The following SEPTIN9 variants were observed in gnomAD, a reference collection of about 807,000 sequenced individuals.
SEPTIN9 encodes the protein septin-9.
In SEPTIN9, 13 loss-of-function variants were observed where a neutral mutation model predicts 56.6. That is an observed-to-expected ratio of 0.23 (90% CI 0.15 to 0.37). The LOEUF (loss-of-function observed/expected upper bound fraction) is 0.37. Among genes scored for constraint, SEPTIN9 ranks in the 10% least tolerant of loss-of-function variants. The probability of loss-of-function intolerance (pLI) is 1.00; values close to 1 mark genes in which losing one functional copy is unlikely to be tolerated. For synonymous variants in SEPTIN9, 332 were observed against 334.1 expected (o/e 0.99, Z 0.07); for missense variants, 650 against 823.1 (o/e 0.79, Z 2.57).
At chr17:77,301,640 G>A (rs1307943513) in intron 1 of SEPTIN9, among the ~76,000 whole-genome samples, 2 of 152,050 alleles carry the variant, frequency 1.3e-5, no homozygotes, top group African/African-American at 4.8e-5. Context: ...CTCGAACTCC[G>A]GACCTCAGAT....
chr17:77,302,918 G>A (rs2032118676), intron 1 of SEPTIN9, among the ~76,000 whole-genome samples: 1 of 151,982 alleles, frequency 6.6e-6, no homozygotes, highest in Admixed American at 6.6e-5. Flanking sequence ...TGCTCTTTCT[G>A]CCTAGGCTCA....
intron 3 of SEPTIN9, among the ~76,000 whole-genome samples, chr17:77,454,992 G>A (rs2038133410): frequency 6.6e-6 from 1 of 152,082 alleles, no homozygotes; most frequent in African/African-American, 2.4e-5. Flanking sequence ...TGGCAGAGGT[G>A]ATGGCCCATC....
At chr17:77,292,246 C>T (rs570662938) in intron 1 of SEPTIN9, among the ~76,000 whole-genome samples, 65 of 152,334 alleles carry the variant, frequency 4.3e-4, no homozygotes, top group African/African-American at 1.5e-3. Flanking sequence ...CTGCAGTCCC[C>T]GTTTTGTTCC....
intron 1 of SEPTIN9, among the ~76,000 whole-genome samples, chr17:77,283,077 CG>C (rs1219165822): frequency 1.3e-5 from 2 of 151,670 alleles, no homozygotes; most frequent in African/African-American, 2.4e-5. Context: ...TCTGCACCTG[CG>C]GCTTACTGGG....
intron 10 of SEPTIN9, chr17:77,497,080 TGAGCTGTCCAGGAGCAG>T: frequency 3.3e-6 from 2 of 603,700 alleles, no homozygotes; most frequent in Non-Finnish European, 6.0e-6. Flanking sequence ...GAGCAGGAGC[TGAGCTGTCCAGGAGCAG>T]GAGCTGGTGC....
intron 2 of SEPTIN9, among the ~76,000 whole-genome samples, chr17:77,337,030 G>T: frequency 7.4e-6 from 1 of 135,938 alleles, no homozygotes; most frequent in Non-Finnish European, 1.5e-5. Context: ...AAGAAACAGA[G>T]TCTCACTCTT....
rs183048760 is a variant in SEPTIN9, at chr17:77,341,366, C to T, written c.76+34169C>T. Among the ~76,000 whole-genome samples, 676 of 152,256 alleles carry T rather than the reference C, an allele frequency of 4.4e-3. 8 individuals carry two copies. The highest frequency in any genetic ancestry group is 0.015 in the African/African-American group (633 of 41,530). On this transcript the variant is annotated intron_variant, in intron 2 of 11. Coordinates refer to ENST00000427177, the MANE Select transcript of SEPTIN9 (RefSeq NM_001113491.2). Reference sequence around the variant, plus strand: ...GATGCCTGAGCAGAGGGAGAGAGAGCGGGGAACAGCCAGTCAGTGGAGCAG... The same window carrying T: ...GATGCCTGAGCAGAGGGAGAGAGAGTGGGGAACAGCCAGTCAGTGGAGCAG...
At chr17:77,486,982 C>T (rs1236621659) in intron 4 of SEPTIN9, among the ~76,000 whole-genome samples, 1 of 152,202 alleles carries the variant, frequency 6.6e-6, no homozygotes, top group Admixed American at 6.5e-5. Flanking sequence ...GCAGTTTGAA[C>T]ACCTGGGCTT....
intron 2 of SEPTIN9, chr17:77,375,959 C>T (rs1054603354): frequency 5.0e-5 from 15 of 298,702 alleles, no homozygotes; most frequent in South Asian, 2.6e-4. Flanking sequence ...GACAGACAGA[C>T]GTGGGGAAGG....
chr17:77,414,833 CT>C (rs2036441339), intron 3 of SEPTIN9, among the ~76,000 whole-genome samples: 1 of 152,174 alleles, frequency 6.6e-6, no homozygotes, highest in South Asian at 2.1e-4. Flanking sequence ...CTGCCTTGGC[CT>C]CCCAAAGTTC....
chr17:77,340,167 G>A (rs190870980), intron 2 of SEPTIN9, among the ~76,000 whole-genome samples: 272 of 151,484 alleles, frequency 1.8e-3, no homozygotes, highest in African/African-American at 6.4e-3. Context: ...TTGAGACAGA[G>A]TCTCCCTCTG....
chr17:77,429,874 G>A lies in SEPTIN9; in HGVS notation c.721+27171G>A, dbSNP rs2037062943. On this transcript the variant is annotated intron_variant, in intron 3 of 11. Transcript: ENST00000427177. The surrounding 1 kb of genome is among the most constrained non-coding windows in gnomAD (Gnocchi z 5.2). ...CTGTCTCTCTGCCTCTCTTTCTCCT[G>A]CTACAGAACTGGATCCTCCCAGCTC... is the stretch of plus-strand genomic sequence containing the variant. 6.6e-6 allele frequency among the ~76,000 whole-genome samples: 1 copy of A among 152,188 alleles called. No homozygotes were observed. The highest frequency in any genetic ancestry group is 6.5e-5 in the Admixed American group (1 of 15,290).
intron 1 of SEPTIN9, among the ~76,000 whole-genome samples, chr17:77,306,383 C>G (rs1417806981): frequency 6.6e-6 from 1 of 152,208 alleles, no homozygotes; most frequent in Non-Finnish European, 1.5e-5. Flanking sequence ...CGCCTGTGCT[C>G]CCAGGGCCGC....
chr17:77,497,182 C>A (rs41282095), intron 10 of SEPTIN9, 133 bp from the exon 11 acceptor site: 2 of 872,972 alleles, frequency 2.3e-6, no homozygotes, highest in Non-Finnish European at 3.8e-6. Flanking sequence ...GGTGGTTCCC[C>A]TGCCCTCCTG....
At chr17:77,386,151 T>TTA (rs2035330460) in intron 2 of SEPTIN9, among the ~76,000 whole-genome samples, 1 of 152,166 alleles carries the variant, frequency 6.6e-6, no homozygotes, top group Non-Finnish European at 1.5e-5. Flanking sequence ...ATGCTGGGGA[T>TTA]AACTTGGCTG....
chr17:77,324,188 T>C (rs554565836), intron 2 of SEPTIN9, among the ~76,000 whole-genome samples: 69 of 152,354 alleles, frequency 4.5e-4, no homozygotes, highest in African/African-American at 1.6e-3. Context: ...CTTTCTCGGA[T>C]TTAGGGCCCA....
intron 1 of SEPTIN9, among the ~76,000 whole-genome samples, chr17:77,290,814 C>CATAAATAA (rs71160222): frequency 0.21 from 29,712 of 141,244 alleles, 3,592 homozygotes; most frequent in African/African-American, 0.26. Context: ...GACCCTGTCT[C>CATAAATAA]ATAAATAAAT....
chr17:77,350,918 G>A (rs904986223), intron 2 of SEPTIN9, among the ~76,000 whole-genome samples: 2 of 152,022 alleles, frequency 1.3e-5, no homozygotes, highest in Non-Finnish European at 2.9e-5. Context: ...TGAAAGACAA[G>A]GAAGGGCTTT....
rs1243448401 is a variant in SEPTIN9, at chr17:77,434,687, A to C, written c.721+31984A>C. 6.6e-6 allele frequency among the ~76,000 whole-genome samples: 1 copy of C among 152,218 alleles called. No homozygotes were observed. Among genetic ancestry groups the C allele is most frequent in the East Asian group, 1.9e-4 (1 of 5,192 alleles). On this transcript the variant is annotated intron_variant, in intron 3 of 11. Coordinates refer to ENST00000427177, the MANE Select transcript of SEPTIN9 (RefSeq NM_001113491.2). The surrounding 1 kb of genome is among the most constrained non-coding windows in gnomAD (Gnocchi z 5.0). ...CCCCGCCCCAGACGTGAGGGTTGGC[A>C]TCTTCTCTTGCACGTGAAGCAAAGG...
Sources: gnomAD v4.1 joint callset for allele counts (sites outside exome capture counted in the v4.1 genomes callset) on GRCh38, gnomAD v4.1.1 for gene constraint, Gnocchi (gnomAD v3.1) non-coding constraint, MANE v1.5 for transcripts, NCBI Gene and HGNC (gene_info 2026-07-23, HGNC 2026-07-21) for gene names.